Variants in GCN1 observed in about 807,000 individuals in gnomAD.
The protein encoded by GCN1 is stalled ribosome sensor GCN1.
GCN1 carries 90 observed loss-of-function variants against 288.4 expected under a neutral mutation model. That is an observed-to-expected ratio of 0.31 (90% confidence interval 0.26 to 0.37). The LOEUF is 0.37. GCN1 is among the 10% of genes least tolerant of loss of function. The pLI, the probability that GCN1 is intolerant of heterozygous loss-of-function variation, is 1.00. For missense variants in GCN1, 2,586 were observed against 3,419.9 expected (o/e 0.76, Z 6.08); for synonymous variants, 1,386 against 1,420.2 (o/e 0.98, Z 0.54).
At chr12:120,143,395 C>A (rs1198999050) in intron 42 of GCN1, among the ~76,000 whole-genome samples, 1 of 152,074 alleles carries the variant, frequency 6.6e-6, no homozygotes, top group African/African-American at 2.4e-5. Context: ...CCAGCCTGAC[C>A]AACATGGAGA....
In GCN1 at chr12:120,137,458, C is replaced by G. The variant is rs1877045884; in HGVS notation, c.6663+87G>C. 6.8e-7 allele frequency: 1 copy of G among 1,471,554 alleles called. No individual in the cohort carries two copies. Among genetic ancestry groups the G allele is most frequent in the African/African-American group, 1.4e-5 (1 of 71,916 alleles). 91.2% of individuals were successfully genotyped at this position (1,471,554 alleles called of 1,614,324 possible). ...AAACGCCGAAGCTGAGTGACAGGTA[C>G]GTGGGGGATTCTTATAAGTCTATTC... is the stretch of plus-strand genomic sequence containing the variant. On this transcript the variant is annotated intron_variant, in intron 49 of 57. Coordinates refer to ENST00000300648, the MANE Select transcript of GCN1 (RefSeq NM_006836.2). The surrounding 1 kb of genome is among the most constrained non-coding windows in gnomAD (Gnocchi z 5.2).
At position 120,153,723 on chromosome 12, in the gene GCN1, C is replaced by G; in HGVS notation, c.3867+21G>C. The G allele has an allele frequency of 6.2e-7, 1 of 1,610,448 alleles. No homozygotes were observed. Among genetic ancestry groups the G allele is most frequent in the Non-Finnish European group, 8.5e-7 (1 of 1,177,610 alleles). ...ACCCCCTTACCTTCCCGTGGGTGTTCCCTGGCTGGGACCCCCTTACCTTCC... is the reference window on the plus strand; with the variant it reads ...ACCCCCTTACCTTCCCGTGGGTGTTGCCTGGCTGGGACCCCCTTACCTTCC... On this transcript the variant is annotated intron_variant, in intron 32 of 57. Coordinates refer to ENST00000300648, the MANE Select transcript of GCN1 (RefSeq NM_006836.2). This position sits in a 1 kb window ranked among gnomAD's most constrained non-coding sequence, Gnocchi z 4.4.
chr12:120,184,379 T>C, intron 3 of GCN1, 136 bp from the exon 4 acceptor site: 1 of 743,474 alleles, frequency 1.3e-6, no homozygotes, highest in Non-Finnish European at 2.2e-6. Flanking sequence ...AGAGAAGGGA[T>C]TAGGAAATAA....
chr12:120,154,449 C>A (rs1306093720), intron 31 of GCN1, among the ~76,000 whole-genome samples: 1 of 152,238 alleles, frequency 6.6e-6, no homozygotes, highest in East Asian at 1.9e-4. Flanking sequence ...AACTAACACC[C>A]TTGCGTGTTT....
chr12:120,190,204 A>T, intron 2 of GCN1, 94 bp downstream of exon 2: 1 of 701,892 alleles, frequency 1.4e-6, no homozygotes, highest in Non-Finnish European at 2.4e-6. Flanking sequence ...CAGCCAGGGC[A>T]ACAGTGAGAG....
At chr12:120,175,968 A>G in intron 10 of GCN1, 94 bp from the exon 11 acceptor site, 1 of 1,471,162 alleles carries the variant, frequency 6.8e-7, no homozygotes, top group Non-Finnish European at 9.4e-7. Context: ...CTTCAGTATT[A>G]GCTGTTTGCT....
At chr12:120,138,282 G>T in intron 47 of GCN1, 41 bp downstream of exon 47, 1 of 1,266,794 alleles carries the variant, frequency 7.9e-7, no homozygotes, top group Non-Finnish European at 1.2e-6. Context: ...AAATGTCAAT[G>T]CCCTGGAGCC....
chr12:120,160,212 G>C lies in GCN1; in HGVS notation c.2480C>G (p.Thr827Ser). 4 of 1,612,360 alleles carry C rather than the reference G, an allele frequency of 2.5e-6. No homozygotes were observed. The highest frequency in any genetic ancestry group is 3.4e-6 in the Non-Finnish European group (4 of 1,179,950). The change falls in exon 23 of 58, where the codon ACC becomes AGC. Residue 827 changes from threonine (T) to serine (S), a missense_variant. This residue lies in a region of GCN1 where 913 missense variants were observed against 1,107.0 expected (regional missense o/e 0.82). Transcript: ENST00000300648. The part of the protein sequence containing the change: ...KKGIKEEVQL[T>S]SKQKEMLQAQ... Reference sequence around the variant, plus strand: ...CTGCAGCATCTCCTTCTGCTTGCTGGTCAGCTGCACCTCCTCTTTGATGCC... The same window carrying C: ...CTGCAGCATCTCCTTCTGCTTGCTGCTCAGCTGCACCTCCTCTTTGATGCC...
intron 33 of GCN1, among the ~76,000 whole-genome samples, chr12:120,152,064 C>G (rs1490531298): frequency 6.6e-6 from 1 of 152,122 alleles, no homozygotes; most frequent in Non-Finnish European, 1.5e-5. Context: ...GGGTCTTACT[C>G]TGTCACCCAG....
Position 120,127,854 on chromosome 12 carries a change from T to C in GCN1, c.8011A>G (p.Thr2671Ala), listed in dbSNP as rs1876667226. ...CTGCTGCTGGCCCAGGCCTCTCATG[T>C]CAGGATGGTGTCGTCCACCTGCTCC... ...STEQVDDTIL[T>A] The change falls in exon 58 of 58, where the codon ACA (threonine) becomes GCA (alanine). Residue 2671 changes from threonine to alanine, a missense_variant. By Grantham distance (58) the Thr-to-Ala change is moderately conservative (BLOSUM62 0). Around this residue, in one of 8 missense-constraint regions of GCN1, gnomAD observed 355 missense variants for 431.1 expected, o/e 0.82. Transcript: ENST00000300648. The C allele has an allele frequency of 6.2e-7, 1 of 1,614,034 alleles. No individual in the cohort carries two copies. The highest frequency in any genetic ancestry group is 1.7e-5 in the Admixed American group (1 of 59,992).
At position 120,137,363 on chromosome 12, in the gene GCN1, A is replaced by G. The variant is rs766391877; in HGVS notation, c.6664-44T>C. 2.0e-6 allele frequency: 3 copies of G among 1,523,208 alleles called. No homozygotes were observed. 94.4% of individuals were successfully genotyped at this position (1,523,208 alleles called of 1,614,324 possible). Reference sequence around the variant, plus strand: ...AAGCGAGAGGATGTACAGCCCTCTCAAGACTGCTTCCAAAGAATATATGGG... The same window carrying G: ...AAGCGAGAGGATGTACAGCCCTCTCGAGACTGCTTCCAAAGAATATATGGG... On this transcript the variant is annotated intron_variant, in intron 49 of 57. Coordinates refer to ENST00000300648, the MANE Select transcript of GCN1 (RefSeq NM_006836.2). The surrounding 1 kb of genome is among the most constrained non-coding windows in gnomAD (Gnocchi z 5.2).
intron 1 of GCN1, among the ~76,000 whole-genome samples, chr12:120,190,970 A>G (rs1878985274): frequency 6.6e-6 from 1 of 152,198 alleles, no homozygotes; most frequent in Non-Finnish European, 1.5e-5. Flanking sequence ...TACTAGCTGT[A>G]GAAACTTAGT....
intron 53 of GCN1, among the ~76,000 whole-genome samples, chr12:120,132,672 C>A (rs917464807): frequency 6.6e-6 from 1 of 152,250 alleles, no homozygotes; most frequent in Admixed American, 6.5e-5. Context: ...CGGCTCCGTG[C>A]TCCTCCCTGG....
Position 120,144,609 on chromosome 12 carries a change from C to T in GCN1, c.5352+30G>A, listed in dbSNP as rs765025935. 2.4e-5 allele frequency: 39 copies of T among 1,598,628 alleles called. No individual in the cohort carries two copies. The highest frequency in any genetic ancestry group is 3.3e-5 in the Admixed American group (2 of 59,912). ...ACTTGCCTCCTGCCCTCCTCAAGGA[C>T]TCTACCCTTGCCAAGGTCATGGTAC... is the stretch of plus-strand genomic sequence containing the variant. On this transcript the variant is annotated intron_variant, in intron 41 of 57. Coordinates refer to ENST00000300648, the MANE Select transcript of GCN1 (RefSeq NM_006836.2). This position sits in a 1 kb window ranked among gnomAD's most constrained non-coding sequence, Gnocchi z 4.7.
At chr12:120,139,799 C>A (rs1434365757) in intron 45 of GCN1, among the ~76,000 whole-genome samples, 1 of 152,196 alleles carries the variant, frequency 6.6e-6, no homozygotes, top group Non-Finnish European at 1.5e-5. Context: ...TGGACTCTTT[C>A]TTTTGCTTAT....
chr12:120,150,855 T>G (rs1481392452), intron 34 of GCN1, among the ~76,000 whole-genome samples: 1 of 151,396 alleles, frequency 6.6e-6, no homozygotes, highest in African/African-American at 2.4e-5. Context: ...GAGAATGGCA[T>G]GAACCCAGGA....
Position 120,153,393 on chromosome 12 carries a change from C to T in GCN1, c.3882G>A (p.Ser1294=), listed in dbSNP as rs780241373. The change falls in exon 33 of 58, where the codon TCG becomes TCA. Residue 1294 remains serine (S), a synonymous_variant. Coordinates refer to ENST00000300648, the MANE Select transcript of GCN1 (RefSeq NM_006836.2). This position sits in a 1 kb window ranked among gnomAD's most constrained non-coding sequence, Gnocchi z 4.4. ...LNTHGKENVN[S]LLPVFEEFLK... ...GGAACTCCTCGAATACTGGCAACAG[C>T]GAGTTGACGTTCTCCTGGAAAGCCA... 50 of 1,613,828 alleles carry T rather than the reference C, an allele frequency of 3.1e-5. No individual in the cohort carries two copies. The highest frequency in any genetic ancestry group is 6.7e-5 in the Admixed American group (4 of 59,978).
intron 55 of GCN1, among the ~76,000 whole-genome samples, 181 bp from the exon 56 acceptor site, chr12:120,130,934 C>T (rs1876797740): frequency 6.6e-6 from 1 of 152,174 alleles, no homozygotes; most frequent in Non-Finnish European, 1.5e-5. Flanking sequence ...TCACTGGTTC[C>T]CAGGAACAGG....
Position 120,164,330 on chromosome 12 carries a change from C to G in GCN1, c.1848+6G>C. ...AGCCCCAGTTCTAGAGCCCAGATGC[C>G]CTCACCTTGTGAGAACTGAGGACAG... On this transcript the variant is annotated splice_donor_region_variant and intron_variant, in intron 18 of 57. Transcript: ENST00000300648. 6.2e-7 allele frequency: 1 copy of G among 1,611,070 alleles called. No homozygotes were observed. Among genetic ancestry groups the G allele is most frequent in the Non-Finnish European group, 8.5e-7 (1 of 1,177,826 alleles).
Sources: gnomAD v4.1 joint callset for allele counts (sites outside exome capture counted in the v4.1 genomes callset) on GRCh38, gnomAD v4.1.1 for gene constraint, gnomAD v4.1.1 regional missense constraint, Gnocchi (gnomAD v3.1) non-coding constraint, MANE v1.5 for transcripts, NCBI Gene and HGNC (gene_info 2026-07-23, HGNC 2026-07-21) for gene names.